Variants in PDE6A observed in about 807,000 individuals in gnomAD.
The protein encoded by PDE6A is rod cGMP-specific 3',5'-cyclic phosphodiesterase subunit alpha.
A neutral mutation model predicts 106.3 loss-of-function variants in PDE6A; 84 were observed. That is an observed-to-expected ratio of 0.79 (90% CI 0.66 to 0.95). The LOEUF is 0.95. PDE6A is among the 40% of genes least tolerant of loss of function. The pLI, the probability that PDE6A is intolerant of heterozygous loss-of-function variation, is 0.00. For synonymous variants in PDE6A, 394 were observed against 386.6 expected (o/e 1.02, Z -0.23); for missense variants, 1,052 against 1,084.9 (o/e 0.97, Z 0.43).
intron 21 of PDE6A, 109 bp from the exon 22 acceptor site, chr5:149,861,080 C>A: frequency 1.2e-6 from 1 of 840,070 alleles, no homozygotes; most frequent in Non-Finnish European, 2.0e-6. Context: ...TTTCAGTGGC[C>A]AACAGATAAC....
At chr5:149,934,524 A>AT in intron 2 of PDE6A, 42 bp downstream of exon 2, 1 of 1,605,298 alleles carries the variant, frequency 6.2e-7, no homozygotes, top group Non-Finnish European at 8.5e-7. Context: ...GGCTGGGAGA[A>AT]TGTGCTAGCA....
At chr5:149,934,774 A>G (rs1045985189) in intron 1 of PDE6A, 56 bp from the exon 2 acceptor site, 49 of 1,577,352 alleles carry the variant, frequency 3.1e-5, no homozygotes, top group Non-Finnish European at 4.1e-5. Flanking sequence ...GAACAGTGGA[A>G]CGGCCCAAAG....
At chr5:149,864,359 C>T (rs1289969880) in intron 20 of PDE6A, among the ~76,000 whole-genome samples, 3 of 151,954 alleles carry the variant, frequency 2.0e-5, no homozygotes, top group Non-Finnish European at 4.4e-5. Context: ...CTGCCTCAGC[C>T]TCCCAAGTAG....
chr5:149,892,402 A>G (rs1311235260), intron 13 of PDE6A, among the ~76,000 whole-genome samples: 2 of 152,100 alleles, frequency 1.3e-5, no homozygotes, highest in African/African-American at 4.8e-5. Flanking sequence ...CTGTCAAATA[A>G]TAATGCTAAG....
chr5:149,883,240 T>A (rs1760998174), intron 17 of PDE6A, among the ~76,000 whole-genome samples, 189 bp downstream of exon 17: 1 of 152,210 alleles, frequency 6.6e-6, no homozygotes, highest in South Asian at 2.1e-4. Context: ...GCATTTTTAG[T>A]GCTAAAATAA....
At position 149,860,769 on chromosome 5, in the gene PDE6A, A is replaced by C. The variant is rs886060216; in HGVS notation, c.*126T>G. 1 of 780,410 alleles carries C rather than the reference A, an allele frequency of 1.3e-6. No individual in the cohort carries two copies. Among genetic ancestry groups the C allele is most frequent in the African/African-American group, 1.7e-5 (1 of 58,148 alleles). 48.3% of individuals were successfully genotyped at this position (780,410 alleles called of 1,614,324 possible). A position where few individuals can be genotyped will look rare whatever the true frequency, so the allele number is the denominator to read the frequency against. ...AAAAGATTGAACAGTCCTGGAAGCT[A>C]AATTCTCTAACAGCTTTCAAATCCT... On this transcript the variant is annotated 3_prime_UTR_variant, in exon 22 of 22. Coordinates refer to ENST00000255266, the MANE Select transcript of PDE6A (RefSeq NM_000440.3).
intron 17 of PDE6A, among the ~76,000 whole-genome samples, chr5:149,877,655 C>A (rs994133631): frequency 6.6e-6 from 1 of 152,214 alleles, no homozygotes; most frequent in African/African-American, 2.4e-5. Flanking sequence ...AGTGATCCAC[C>A]TGCCTTGGCC....
At position 149,884,918 on chromosome 5, in the gene PDE6A, G is replaced by A. The variant is rs763914017; in HGVS notation, c.1839-51C>T. On this transcript the variant is annotated intron_variant, in intron 14 of 21. Transcript: ENST00000255266. ...TATGGAGTGGACAATAGAAAATTAGGACTAAACATCAAGTCTCCTGACTCA... is the reference window on the plus strand; with the variant it reads ...TATGGAGTGGACAATAGAAAATTAGAACTAAACATCAAGTCTCCTGACTCA... 4 of 1,390,386 alleles carry A rather than the reference G, an allele frequency of 2.9e-6. No homozygotes were observed. In the South Asian group the frequency reaches 4.6e-5, roughly 16 times the overall value. 86.1% of individuals were successfully genotyped at this position (1,390,386 alleles called of 1,614,324 possible).
At chr5:149,932,655 T>C in intron 3 of PDE6A, 2 of 1,613,288 alleles carry the variant, frequency 1.2e-6, no homozygotes, top group African/African-American at 2.7e-5. Context: ...CGAATTCGAC[T>C]AATTTCTGCC....
chr5:149,915,964 C>T lies in PDE6A; in HGVS notation c.934-957G>A, dbSNP rs1037592007. ...GTCAATGAACTTTCTCAGAGAGCAA[C>T]ATGTAATATTTCTCTTTTTTCTTTT... On this transcript the variant is annotated intron_variant, in intron 5 of 21. Coordinates refer to ENST00000255266, the MANE Select transcript of PDE6A (RefSeq NM_000440.3). Among the ~76,000 whole-genome samples the T allele has an allele frequency of 5.9e-5, 9 of 152,188 alleles. 1 individual carries two copies. Among genetic ancestry groups the T allele is most frequent in the African/African-American group, 2.2e-4 (9 of 41,458 alleles).
intron 6 of PDE6A, among the ~76,000 whole-genome samples, chr5:149,913,930 T>C (rs1753470457): frequency 6.6e-6 from 1 of 152,224 alleles, no homozygotes; most frequent in Non-Finnish European, 1.5e-5. Flanking sequence ...GAGCATTCTT[T>C]CCTTTTCTTT....
At chr5:149,871,842 G>A (rs933858605) in intron 17 of PDE6A, among the ~76,000 whole-genome samples, 4 of 152,176 alleles carry the variant, frequency 2.6e-5, no homozygotes, top group Non-Finnish European at 5.9e-5. Context: ...AGCCACTGCA[G>A]GATCTGGACA....
At chr5:149,910,874 C>CTTTTT (rs386405293) in intron 6 of PDE6A, among the ~76,000 whole-genome samples, 2,113 of 86,948 alleles carry the variant, frequency 0.024, 76 homozygotes, top group African/African-American at 0.028. Context: ...TTTCTTTTTC[C>CTTTTT]TTTTTTTTTT....
intron 20 of PDE6A, among the ~76,000 whole-genome samples, 196 bp downstream of exon 20, chr5:149,865,974 G>A (rs536383906): frequency 2.2e-4 from 33 of 152,308 alleles, no homozygotes; most frequent in East Asian, 7.7e-4. Context: ...AGGATGTACC[G>A]TACGCTGGAG....
At chr5:149,932,691 ATGC>A in intron 3 of PDE6A, 7 of 1,604,256 alleles carry the variant, frequency 4.4e-6, no homozygotes, top group Non-Finnish European at 6.0e-6. Flanking sequence ...GGAGAAGGAA[ATGC>A]TGCCCCACTC....
intron 17 of PDE6A, among the ~76,000 whole-genome samples, chr5:149,878,401 A>C (rs1286869273): frequency 6.6e-6 from 1 of 151,916 alleles, no homozygotes; most frequent in East Asian, 1.9e-4. Context: ...GTTATCGTTT[A>C]TTTAACCTGG....
At chr5:149,917,043 G>A (rs925320596) in intron 5 of PDE6A, among the ~76,000 whole-genome samples, 2 of 149,970 alleles carry the variant, frequency 1.3e-5, no homozygotes, top group Non-Finnish European at 3.0e-5. Context: ...GAATAAAAGG[G>A]GATATCTTTT....
At chr5:149,874,114 G>A (rs1296983935) in intron 17 of PDE6A, among the ~76,000 whole-genome samples, 1 of 152,142 alleles carries the variant, frequency 6.6e-6, no homozygotes, top group Non-Finnish European at 1.5e-5. Context: ...AACACAGGAA[G>A]GGAGTGTTGG....
chr5:149,883,999 C>T (rs1433482390), intron 16 of PDE6A, among the ~76,000 whole-genome samples: 1 of 151,896 alleles, frequency 6.6e-6, no homozygotes, highest in Non-Finnish European at 1.5e-5. Flanking sequence ...TTTAGATCAG[C>T]CTGGGTAACA....
Sources: gnomAD v4.1 joint callset for allele counts (sites outside exome capture counted in the v4.1 genomes callset) on GRCh38, gnomAD v4.1.1 for gene constraint, MANE v1.5 for transcripts, NCBI Gene and HGNC (gene_info 2026-07-23, HGNC 2026-07-21) for gene names.